WIZ: variants seen among roughly 807,000 people sequenced by gnomAD.
The protein encoded by WIZ is protein Wiz.
In WIZ, 25 loss-of-function variants were observed where a neutral mutation model predicts 140.2. The ratio of observed to expected loss-of-function variants is 0.18; its 90% CI spans 0.13 to 0.25. The LOEUF is 0.25. Ranked by LOEUF, WIZ falls within the 10% of genes least tolerant of loss-of-function variation. The pLI is 1.00. For missense variants in WIZ, 2,231 were observed against 2,632.6 expected (o/e 0.85, Z 3.34); for synonymous variants, 1,125 against 1,154.3 (o/e 0.97, Z 0.51).
chr19:15,438,993 T>G lies in WIZ; in HGVS notation c.2001A>C (p.Ala667=). 1 of 1,476,236 alleles carries G rather than the reference T, an allele frequency of 6.8e-7. No individual in the cohort carries two copies. Among genetic ancestry groups the G allele is most frequent in the Non-Finnish European group, 9.0e-7 (1 of 1,116,694 alleles). 91.4% of individuals were successfully genotyped at this position (1,476,236 alleles called of 1,614,324 possible). Reference sequence around the variant, plus strand: ...GCTGCTGCCCCTGGGTGGCCTCTACTGCCTGCAGGGCCTCTCGGAATGCCT... The same window carrying G: ...GCTGCTGCCCCTGGGTGGCCTCTACGGCCTGCAGGGCCTCTCGGAATGCCT... ...LKQAFREALQ[A]VEATQGQQQQ... Residue 667 remains alanine, a synonymous_variant, in exon 4 of 13, where the codon GCA becomes GCC. Transcript: ENST00000673675.
At chr19:15,434,517 C>T (rs1308304540) in intron 5 of WIZ, among the ~76,000 whole-genome samples, 1 of 148,372 alleles carries the variant, frequency 6.7e-6, no homozygotes, top group African/African-American at 2.5e-5. Flanking sequence ...GAGCCGAGAT[C>T]GTGCCACTGC....
At position 15,439,791 on chromosome 19, in the gene WIZ, C is replaced by A; in HGVS notation, c.1203G>T (p.Leu401=). The change falls in exon 4 of 13, where the codon CTG becomes CTT. Residue 401 remains leucine, a synonymous_variant. Coordinates refer to ENST00000673675, the MANE Select transcript of WIZ (RefSeq NM_001371589.1). This position sits in a 1 kb window ranked among gnomAD's most constrained non-coding sequence, Gnocchi z 7.0. Reference sequence around the variant, plus strand: ...TGCCAAAGACACACTTAGGGCACTGCAGCCGTGCCTCCCGGCCCTCGTCTC... The same window carrying A: ...TGCCAAAGACACACTTAGGGCACTGAAGCCGTGCCTCCCGGCCCTCGTCTC... ...VPGDEGREAR[L]QCPKCVFGTN... 6.6e-7 allele frequency: 1 copy of A among 1,509,354 alleles called. No homozygotes were observed. The highest frequency in any genetic ancestry group is 8.8e-7 in the Non-Finnish European group (1 of 1,134,386). 93.5% of individuals were successfully genotyped at this position (1,509,354 alleles called of 1,614,324 possible).
rs778280013 is a variant in WIZ at position 15,439,614 on chromosome 19, G to A, written c.1380C>T (p.Ala460=). The A allele has an allele frequency of 6.8e-6, 10 of 1,480,896 alleles. No homozygotes were observed. Among genetic ancestry groups the A allele is most frequent in the East Asian group, 5.0e-5 (2 of 40,378 alleles). The allele number at this position is 1,480,896 out of a possible 1,614,324, so 91.7% of individuals were successfully genotyped here. The change falls in exon 4 of 13, where the codon GCC becomes GCT. Residue 460 remains alanine, a synonymous_variant. Transcript: ENST00000673675. The surrounding 1 kb of genome is among the most constrained non-coding windows in gnomAD (Gnocchi z 7.0). ...SALLYQPYGA[A]VGLSACVFCG... ...AGAAGACACAGGCGCTGAGGCCAAC[G>A]GCAGCTCCGTAGGGCTGATAGAGGA...
chr19:15,436,798 C>T lies in WIZ; in HGVS notation c.2740+8G>A, dbSNP rs776140146. On this transcript the variant is annotated splice_region_variant and intron_variant, in intron 5 of 12. Coordinates refer to ENST00000673675, the MANE Select transcript of WIZ (RefSeq NM_001371589.1). ...GGGGCTCCAGCACAGCCCGTCCCCT[C>T]CCCTTACCATCTCCATAGGCTGGCC... 12 of 1,573,194 alleles carry T rather than the reference C, an allele frequency of 7.6e-6. No individual in the cohort carries two copies. Among genetic ancestry groups the T allele is most frequent in the Admixed American group, 4.1e-5 (2 of 48,860 alleles).
chr19:15,443,975 G>A (rs558433311), intron 2 of WIZ, among the ~76,000 whole-genome samples: 13 of 152,180 alleles, frequency 8.5e-5, no homozygotes, highest in Non-Finnish European at 1.6e-4. Context: ...AGCGACCACA[G>A]GAATCCTGGC....
At chr19:15,447,649 G>A (rs539911768) in intron 2 of WIZ, among the ~76,000 whole-genome samples, 5 of 152,262 alleles carry the variant, frequency 3.3e-5, no homozygotes, top group East Asian at 1.9e-4. Flanking sequence ...AGCCAGCATC[G>A]CTGACTACCC....
At position 15,425,038 on chromosome 19, in the gene WIZ, G is replaced by A; in HGVS notation, c.4895-6C>T. 1 of 1,564,030 alleles carries A rather than the reference G, an allele frequency of 6.4e-7. No homozygotes were observed. Among genetic ancestry groups the A allele is most frequent in the Admixed American group, 1.8e-5 (1 of 54,926 alleles). On this transcript the variant is annotated splice_polypyrimidine_tract_variant and splice_region_variant and intron_variant, in intron 10 of 12. Coordinates refer to ENST00000673675, the MANE Select transcript of WIZ (RefSeq NM_001371589.1). ...CTCGCAGCAGGCCTCGGTGGCTGCG[G>A]GGCGGAGGGGGTGCTGCTGAGTCAC... is the stretch of plus-strand genomic sequence containing the variant.
rs771188384 is a variant in WIZ, at chr19:15,438,775, G to A, written c.2219C>T (p.Pro740Leu). ...LGLDTLLDGD[P>L]AMALKHEERK... ...CTCCTCGTGCTTCAGTGCCATGGCC[G>A]GATCCCCATCCAGGAGTGTGTCCAG... The change falls in exon 4 of 13, where the codon CCG (proline) becomes CTG (leucine). Residue 740 changes from proline to leucine, a missense_variant. Around this residue, in one of 15 missense-constraint regions of WIZ, gnomAD observed 118 missense variants for 209.1 expected, o/e 0.56. Coordinates refer to ENST00000673675, the MANE Select transcript of WIZ (RefSeq NM_001371589.1). 266 of 1,533,978 alleles carry A rather than the reference G, an allele frequency of 1.7e-4. 1 individual carries two copies. The highest frequency in any genetic ancestry group is 1.5e-3 in the Middle Eastern group (9 of 5,982).
At chr19:15,437,708 T>C (rs957023197) in intron 4 of WIZ, among the ~76,000 whole-genome samples, 2 of 152,246 alleles carry the variant, frequency 1.3e-5, no homozygotes, top group Non-Finnish European at 2.9e-5. Context: ...GGACCTGCCA[T>C]CATCTATGAG....
chr19:15,433,537 C>A (rs1375765094), intron 5 of WIZ, among the ~76,000 whole-genome samples: 5 of 152,178 alleles, frequency 3.3e-5, no homozygotes, highest in African/African-American at 1.2e-4. Flanking sequence ...CAGTTATTCA[C>A]TGAAAGACTG....
chr19:15,423,262 T>C (rs1445589470), intron 12 of WIZ, 27 bp from the exon 13 acceptor site: 1 of 1,610,090 alleles, frequency 6.2e-7, no homozygotes, highest in Admixed American at 1.7e-5. Flanking sequence ...AGAGAGGGAG[T>C]GGCCAGTGCT....
At chr19:15,431,890 C>A (rs1969264549) in intron 5 of WIZ, among the ~76,000 whole-genome samples, 1 of 152,200 alleles carries the variant, frequency 6.6e-6, no homozygotes, top group Non-Finnish European at 1.5e-5. Context: ...ATTTTCACGT[C>A]TAGTTGTTCA....
At chr19:15,449,636 C>G (rs898001998) in intron 1 of WIZ, 162 bp downstream of exon 1, 6 of 149,772 alleles carry the variant, frequency 4.0e-5, no homozygotes, top group Non-Finnish European at 9.0e-5. Context: ...CGCCCCTCCC[C>G]CCACCTGCAC....
At position 15,427,098 on chromosome 19, in the gene WIZ, T is replaced by C. The variant is rs745334513; in HGVS notation, c.4250A>G (p.Glu1417Gly). 6.2e-5 allele frequency: 100 copies of C among 1,614,082 alleles called. No individual in the cohort carries two copies. Among genetic ancestry groups the C allele is most frequent in the Non-Finnish European group, 8.3e-5 (98 of 1,180,028 alleles). Residue 1417 changes from glutamate (E) to glycine (G), a missense_variant, in exon 9 of 13, where the codon GAA (glutamate) becomes GGA (glycine). Coordinates refer to ENST00000673675, the MANE Select transcript of WIZ (RefSeq NM_001371589.1). The surrounding 1 kb of genome is among the most constrained non-coding windows in gnomAD (Gnocchi z 6.4). ...CCGCTTGATCTCCACCCGTATTTGT[T>C]CAGGCTTCAGCTTCTTGGGCAAGGA... ...APSLPKKLKP[E>G]QIRVEIKREM...
chr19:15,429,803 A>G lies in WIZ; in HGVS notation c.3198T>C (p.Ala1066=). The G allele has an allele frequency of 6.6e-7, 1 of 1,526,302 alleles. No homozygotes were observed. The highest frequency in any genetic ancestry group is 8.8e-7 in the Non-Finnish European group (1 of 1,140,362). 94.5% of individuals were successfully genotyped at this position (1,526,302 alleles called of 1,614,324 possible). A position where few individuals can be genotyped will look rare whatever the true frequency, so the allele number is the denominator to read the frequency against. ...LSLAKPLDAP[A]VNKAIKSPPG... ...GAGGCGACTTGATGGCTTTGTTGAC[A>G]GCAGGGGCATCCAAGGGCTTGGCCA... Residue 1066 remains alanine, a synonymous_variant, in exon 7 of 13, where the codon GCT becomes GCC. Coordinates refer to ENST00000673675, the MANE Select transcript of WIZ (RefSeq NM_001371589.1).
rs768920052 is a variant in WIZ, at chr19:15,425,490, G to A, written c.4645C>T (p.Leu1549=). 2 of 1,608,880 alleles carry A rather than the reference G, an allele frequency of 1.2e-6. No homozygotes were observed. The highest frequency in any genetic ancestry group is 1.7e-6 in the Non-Finnish European group (2 of 1,177,906). The change falls in exon 10 of 13, where the codon CTG becomes TTG. Residue 1549 remains leucine, a synonymous_variant. Transcript: ENST00000673675. The part of the protein sequence containing the change: ...TVAPGPVQSP[L]PLSPLAGRPG... ...CGGCCAGCCAGGGGCGACAGCGGCA[G>A]TGGGGACTGCACGGGCCCAGGGGCC...
At chr19:15,432,084 G>A (rs1320635124) in intron 5 of WIZ, among the ~76,000 whole-genome samples, 1 of 152,162 alleles carries the variant, frequency 6.6e-6, no homozygotes, top group African/African-American at 2.4e-5. Flanking sequence ...GGGGCACCGA[G>A]GACTTTGTCA....
intron 4 of WIZ, 67 bp from the exon 5 acceptor site, chr19:15,437,196 A>G: frequency 7.1e-7 from 1 of 1,416,940 alleles, no homozygotes; most frequent in Non-Finnish European, 9.4e-7. Flanking sequence ...ACCCCTCCCC[A>G]TATTCAGGGC....
chr19:15,447,175 G>T (rs1295647334), intron 2 of WIZ, among the ~76,000 whole-genome samples: 2 of 152,294 alleles, frequency 1.3e-5, no homozygotes, highest in African/African-American at 4.8e-5. Context: ...GGAGATGGGG[G>T]TGGGGGGTGT....
Sources: allele counts gnomAD v4.1 joint callset (sites outside exome capture counted in the v4.1 genomes callset), GRCh38; gene constraint gnomAD v4.1.1; regional missense constraint gnomAD v4.1.1; non-coding constraint Gnocchi (gnomAD v3.1); transcripts MANE v1.5; gene names NCBI Gene and HGNC (gene_info 2026-07-23, HGNC 2026-07-21).